Variants in CHTF18 observed in about 807,000 individuals in gnomAD.
CHTF18 encodes chromosome transmission fidelity protein 18 homolog.
In CHTF18, 151 loss-of-function variants were observed where a neutral mutation model predicts 113.4. That is an observed-to-expected ratio of 1.33 (90% CI 1.17 to 1.52). The LOEUF is 1.52. CHTF18 is among the 40% of genes most tolerant of loss of function. The pLI is 0.00. For missense variants in CHTF18, 1,982 were observed against 1,381.6 expected, an observed-to-expected ratio of 1.43 and a Z score of -6.89; for synonymous variants, 916 against 598.8, an observed-to-expected ratio of 1.53 and a Z score of -7.74.
At chr16:789,919 C>T (rs527703285) in intron 4 of CHTF18, 67 of 1,471,278 alleles carry the variant, frequency 4.6e-5, no homozygotes, top group East Asian at 9.9e-5. Flanking sequence ...GTTTGTATGG[C>T]CTCGGGTGGA....
intron 8 of CHTF18, chr16:791,579 C>T (rs903991074): frequency 7.0e-7 from 1 of 1,432,670 alleles, no homozygotes; most frequent in Middle Eastern, 2.6e-4. Context: ...TGCGGCTGGC[C>T]AGGATGATCT....
In CHTF18 at chr16:789,684, TG is replaced by T; in HGVS notation, c.576del (p.Arg193ValfsTer31). On this transcript the variant is annotated frameshift_variant, in exon 4 of 22. Transcript: ENST00000262315. LOFTEE classifies it high-confidence loss of function. ...STEGVRAYLV[L>X]RADPMAPGVQ... Reference sequence around the variant, plus strand: ...GAGGGCGTCCGGGCTTATCTGGTGCTGCGTGCTGACCCCATGGCCCCGGGGG... The same window carrying T: ...GAGGGCGTCCGGGCTTATCTGGTGCTCGTGCTGACCCCATGGCCCCGGGGG... The T allele has an allele frequency of 6.3e-7, 1 of 1,599,978 alleles. No homozygotes were observed. Among genetic ancestry groups the T allele is most frequent in the Non-Finnish European group, 8.5e-7 (1 of 1,178,910 alleles).
At chr16:793,344 C>G (rs1281440914) in intron 14 of CHTF18, 70 bp downstream of exon 14, 3 of 1,546,248 alleles carry the variant, frequency 1.9e-6, no homozygotes, top group Non-Finnish European at 2.6e-6. Context: ...GCCCTGTGTG[C>G]AGGCCAGCAC....
At position 792,448 on chromosome 16, in the gene CHTF18, A is replaced by C; in HGVS notation, c.1336A>C (p.Asn446His). ...TCTGACCTCCCCCAAGGCCGCCATCAACGTCCTCCTGAGCATCCTGAACCG... is the reference window on the plus strand; with the variant it reads ...TCTGACCTCCCCCAAGGCCGCCATCCACGTCCTCCTGAGCATCCTGAACCG... ...EIDGAPVAAI[N>H]VLLSILNRKG... is the part of the protein sequence containing the mutation. The change falls in exon 11 of 22, where the codon AAC (asparagine) becomes CAC (histidine). Residue 446 changes from asparagine (N) to histidine (H), a missense_variant. Transcript: ENST00000262315. 6.4e-7 allele frequency: 1 copy of C among 1,565,714 alleles called. No individual in the cohort carries two copies.
At chr16:791,692 T>C in intron 8 of CHTF18, 159 bp from the exon 9 acceptor site, 1 of 1,430,674 alleles carries the variant, frequency 7.0e-7, no homozygotes. Flanking sequence ...CGTTGCCATC[T>C]TGGTGTGTGA....
rs200601381 is a variant in CHTF18 at position 792,249 on chromosome 16, C to T, written c.1228C>T (p.Arg410Cys). 1.2e-4 allele frequency: 194 copies of T among 1,567,906 alleles called. No homozygotes were observed. The African/African-American group carries it at 1.8e-3, about 15-fold the overall frequency. Reference protein sequence around the residue: ...ASDDRSPEVFRTRIEAATQME... With the variant: ...ASDDRSPEVFCTRIEAATQME... The stretch of plus-strand genomic sequence containing the variant: ...TGACGACCGTAGCCCGGAGGTCTTC[C>T]GCACACGCATCGAGGCGGCCACCCA... The change falls in exon 10 of 22, where the codon CGC becomes TGC. Residue 410 changes from arginine (R) to cysteine (C), a missense_variant. Arg to Cys is a radical substitution (Grantham distance 180). Transcript: ENST00000262315.
Position 792,344 on chromosome 16 carries a change from C to T in CHTF18, c.1323C>T (p.Pro441=), listed in dbSNP as rs182538802. 208 of 1,554,676 alleles carry T rather than the reference C, an allele frequency of 1.3e-4. No homozygotes were observed. The highest frequency in any genetic ancestry group is 1.5e-4 in the African/African-American group (11 of 73,256). ...CLVIDEIDGA[P]VAAINVLLSI... is the part of the protein sequence containing the mutation. ...TCATCGATGAGATCGACGGGGCCCC[C>T]GTGGTGGGCTCCTTGATGCCTGGGT... The change falls in exon 10 of 22, where the codon CCC becomes CCT. Residue 441 remains proline, a synonymous_variant. Transcript: ENST00000262315.
Position 790,615 on chromosome 16 carries a change from C to G in CHTF18, c.843C>G (p.Leu281=), listed in dbSNP as rs2042170151. The G allele has an allele frequency of 1.3e-6, 2 of 1,593,766 alleles. No individual in the cohort carries two copies. The highest frequency in any genetic ancestry group is 1.7e-6 in the Non-Finnish European group (2 of 1,172,032). Residue 281 remains leucine (L), a synonymous_variant, in exon 7 of 22, where the codon CTC becomes CTG. Transcript: ENST00000262315. ...TDGQDASSHC[L]WVDEFAPRHY... is the part of the protein sequence containing the mutation. ...GTCAAGACGCCTCCAGTCACTGCCT[C>G]TGGGTGGATGAGTTTGCACCCCGCC...
At chr16:795,073 C>G (rs1024826291) in intron 15 of CHTF18, 59 bp from the exon 16 acceptor site, 2 of 1,365,476 alleles carry the variant, frequency 1.5e-6, no homozygotes, top group Admixed American at 4.1e-5. Context: ...GTGGAGGGTC[C>G]GTGGTGGTGC....
chr16:798,012 C>T lies in CHTF18; in HGVS notation c.*37C>T, dbSNP rs144151594. The T allele has an allele frequency of 1.7e-4, 276 of 1,591,796 alleles. No individual in the cohort carries two copies. Among genetic ancestry groups the T allele is most frequent in the Middle Eastern group, 1.0e-3 (6 of 5,928 alleles). ...GCGGACATGCCCTCGCATTGCTTCC[C>T]GCAGAGTGCAGAGACAGGAAGCTGG... On this transcript the variant is annotated 3_prime_UTR_variant, in exon 22 of 22. Coordinates refer to ENST00000262315, the MANE Select transcript of CHTF18 (RefSeq NM_022092.3).
In CHTF18 at chr16:791,388, T is replaced by G; in HGVS notation, c.1104+18T>G. 1 of 1,583,240 alleles carries G rather than the reference T, an allele frequency of 6.3e-7. No homozygotes were observed. The highest frequency in any genetic ancestry group is 1.1e-5 in the South Asian group (1 of 88,388). ...AGCAGAAGGTGAGCCCCGCTGGCTG[T>G]GCCGCCGGGAACAAGCCTGAGGCTT... On this transcript the variant is annotated intron_variant, in intron 8 of 21. Coordinates refer to ENST00000262315, the MANE Select transcript of CHTF18 (RefSeq NM_022092.3).
intron 20 of CHTF18, 59 bp from the exon 21 acceptor site, chr16:797,635 G>C: frequency 6.3e-7 from 1 of 1,579,158 alleles, no homozygotes; most frequent in Non-Finnish European, 8.7e-7. Flanking sequence ...CTCCTGTCTT[G>C]GGTAGGGGCT....
chr16:790,053 T>G, intron 4 of CHTF18, 124 bp from the exon 5 acceptor site: 1 of 1,536,504 alleles, frequency 6.5e-7, no homozygotes, highest in Non-Finnish European at 8.7e-7. Context: ...CTGTCCAGTC[T>G]CCCACCCCTC....
chr16:796,848 A>T lies in CHTF18; in HGVS notation c.2588A>T (p.Glu863Val). 6.2e-7 allele frequency: 1 copy of T among 1,603,794 alleles called. No individual in the cohort carries two copies. ...MRRAEASARV[E>V]NSPQVDGSPP... Reference sequence around the variant, plus strand: ...CGGGCGGAGGCTTCTGCCCGGGTAGAGAACAGCCCCCAGGTGAGCCCACCC... The same window carrying T: ...CGGGCGGAGGCTTCTGCCCGGGTAGTGAACAGCCCCCAGGTGAGCCCACCC... The change falls in exon 19 of 22, where the codon GAG (glutamate) becomes GTG (valine). Residue 863 changes from glutamate to valine, a missense_variant. Glu to Val is a moderately radical substitution (Grantham distance 121). Transcript: ENST00000262315.
intron 7 of CHTF18, 74 bp from the exon 8 acceptor site, chr16:791,087 A>C: frequency 6.5e-7 from 1 of 1,535,008 alleles, no homozygotes; most frequent in Non-Finnish European, 8.8e-7. Flanking sequence ...CATGGGGCTC[A>C]TGGTGGCAGG....
At chr16:791,741 G>A in intron 8 of CHTF18, 110 bp from the exon 9 acceptor site, 10 of 1,470,838 alleles carry the variant, frequency 6.8e-6, no homozygotes, top group Non-Finnish European at 9.0e-6. Flanking sequence ...GCTGGAGTGG[G>A]GTGGAGGGAG....
chr16:789,321 C>T lies in CHTF18; in HGVS notation c.398C>T (p.Pro133Leu), dbSNP rs757528642. 8.1e-6 allele frequency: 13 copies of T among 1,601,992 alleles called. No individual in the cohort carries two copies. Among genetic ancestry groups the T allele is most frequent in the East Asian group, 4.5e-5 (2 of 44,486 alleles). The stretch of plus-strand genomic sequence containing the variant: ...TCCTCGCCGACGGACATCACCCCGC[C>T]GCCGAGCCCTGAGGACCTCGCAGAG... The part of the protein sequence containing the change: ...PDSSPTDITP[P>L]PSPEDLAELW... The change falls in exon 3 of 22, where the codon CCG (proline) becomes CTG (leucine). Residue 133 changes from proline to leucine, a missense_variant. Pro to Leu is a moderately conservative substitution (Grantham distance 98). Transcript: ENST00000262315.
In CHTF18 at chr16:792,514, C is replaced by A; in HGVS notation, c.1402C>A (p.Pro468Thr). ...GGTGGGGCCACAGGGCCCGGCTGTGCCTTCGGGAGGCGGCCGACGGCGCCG... is the reference window on the plus strand; with the variant it reads ...GGTGGGGCCACAGGGCCCGGCTGTGACTTCGGGAGGCGGCCGACGGCGCCG... ...QEVGPQGPAV[P>T]SGGGRRRRAE... Residue 468 changes from proline (P) to threonine (T), a missense_variant, in exon 11 of 22, where the codon CCT becomes ACT. By Grantham distance (38) the Pro-to-Thr change is conservative. Coordinates refer to ENST00000262315, the MANE Select transcript of CHTF18 (RefSeq NM_022092.3). The A allele has an allele frequency of 2.5e-6, 4 of 1,593,240 alleles. No individual in the cohort carries two copies. The highest frequency in any genetic ancestry group is 3.4e-6 in the Non-Finnish European group (4 of 1,173,148).
intron 7 of CHTF18, 71 bp downstream of exon 7, chr16:790,737 G>A (rs1241161567): frequency 6.9e-7 from 1 of 1,459,364 alleles, no homozygotes; most frequent in Non-Finnish European, 9.0e-7. Context: ...TGGGCCCAGT[G>A]ATTTTTGCAC....
Sources: gnomAD v4.1 joint callset for allele counts on GRCh38, gnomAD v4.1.1 for gene constraint, MANE v1.5 for transcripts, NCBI Gene and HGNC (gene_info 2026-07-23, HGNC 2026-07-21) for gene names.